ZFYVE28: variants seen among roughly 807,000 people sequenced by gnomAD.
ZFYVE28 encodes the protein lateral signaling target protein 2 homolog.
ZFYVE28 carries 40 observed loss-of-function variants against 82.1 expected under a neutral mutation model. The observed-to-expected ratio is 0.49, with a 90% CI of 0.38 to 0.63. The LOEUF is 0.63. Among genes scored for constraint, ZFYVE28 ranks in the 30% least tolerant of loss-of-function variants. The pLI, the probability that ZFYVE28 is intolerant of heterozygous loss-of-function variation, is 0.00. For missense variants in ZFYVE28, 1,321 were observed against 1,242.1 expected, an observed-to-expected ratio of 1.06 and a Z score of -0.96; for synonymous variants, 612 against 546.1, an observed-to-expected ratio of 1.12 and a Z score of -1.68.
intron 1 of ZFYVE28, among the ~76,000 whole-genome samples, chr4:2,366,295 T>C (rs1034203685): frequency 1.3e-5 from 2 of 152,254 alleles, no homozygotes; most frequent in Non-Finnish European, 2.9e-5. Flanking sequence ...CCAGTGCTCA[T>C]GTTTCATAAG....
chr4:2,338,733 T>C (rs988129904), intron 4 of ZFYVE28, among the ~76,000 whole-genome samples: 1 of 152,258 alleles, frequency 6.6e-6, no homozygotes, highest in African/African-American at 2.4e-5. Context: ...CCTTAATGCA[T>C]TGGTTGATCT....
chr4:2,298,527 C>T (rs1048617846), intron 8 of ZFYVE28, among the ~76,000 whole-genome samples: 1 of 152,174 alleles, frequency 6.6e-6, no homozygotes, highest in Non-Finnish European at 1.5e-5. Flanking sequence ...GGAAGGAAGG[C>T]GCACACAGGC....
intron 8 of ZFYVE28, among the ~76,000 whole-genome samples, chr4:2,296,056 A>C (rs1219910758): frequency 6.6e-6 from 1 of 152,188 alleles, no homozygotes; most frequent in Admixed American, 6.5e-5. Context: ...GGGTGGGGTC[A>C]TGAGGACATG....
intron 2 of ZFYVE28, among the ~76,000 whole-genome samples, chr4:2,352,194 G>C (rs1724570132): frequency 6.6e-6 from 1 of 152,154 alleles, no homozygotes; most frequent in African/African-American, 2.4e-5. Context: ...TGGGCGTAAG[G>C]TGGGCCCTGT....
chr4:2,281,538 C>T (rs1023145214), intron 8 of ZFYVE28, among the ~76,000 whole-genome samples: 2 of 152,150 alleles, frequency 1.3e-5, no homozygotes, highest in Non-Finnish European at 2.9e-5. Flanking sequence ...GGGCCATGCT[C>T]ACCCTTTATA....
chr4:2,384,332 A>AT (rs1163684803), intron 1 of ZFYVE28, among the ~76,000 whole-genome samples: 4 of 152,202 alleles, frequency 2.6e-5, no homozygotes, highest in African/African-American at 9.6e-5. Context: ...TACCCTACAG[A>AT]TTAAGTTATT....
intron 1 of ZFYVE28, among the ~76,000 whole-genome samples, chr4:2,390,721 T>C (rs979251028): frequency 3.3e-5 from 5 of 152,248 alleles, no homozygotes; most frequent in Non-Finnish European, 4.4e-5. Context: ...TCTAGCTGCC[T>C]GAAGTTTACG....
At chr4:2,319,062 C>G (rs1292802979) in intron 7 of ZFYVE28, 1 of 152,884 alleles carries the variant, frequency 6.5e-6, no homozygotes, top group Non-Finnish European at 1.5e-5. Context: ...CCCTTCCAGC[C>G]CCACACCGCC....
intron 1 of ZFYVE28, among the ~76,000 whole-genome samples, chr4:2,410,723 C>T (rs1732438597): frequency 6.6e-6 from 1 of 152,200 alleles, no homozygotes; most frequent in East Asian, 1.9e-4. Context: ...TCTCAATCTC[C>T]TGACCTCGTG....
At chr4:2,404,117 G>A (rs13130155) in intron 1 of ZFYVE28, among the ~76,000 whole-genome samples, 128,881 of 151,808 alleles carry the variant, frequency 0.85, 54,867 homozygotes, top group Admixed American at 0.9. Context: ...TCAGGAGATC[G>A]AGACCATCCT....
At position 2,353,922 on chromosome 4, in the gene ZFYVE28, C is replaced by T; in HGVS notation, c.180+11G>A. 7 of 1,504,032 alleles carry T rather than the reference C, an allele frequency of 4.7e-6. No homozygotes were observed. Among genetic ancestry groups the T allele is most frequent in the Non-Finnish European group, 6.2e-6 (7 of 1,121,326 alleles). 93.2% of individuals were successfully genotyped at this position (1,504,032 alleles called of 1,614,324 possible). A position where few individuals can be genotyped will look rare whatever the true frequency, so the allele number is the denominator to read the frequency against. Reference sequence around the variant, plus strand: ...GCGGGGCCAGCCAGCTTCTGCTGCCCCGTGGCTCACCTGACAGGAGCGGAA... The same window carrying T: ...GCGGGGCCAGCCAGCTTCTGCTGCCTCGTGGCTCACCTGACAGGAGCGGAA... On this transcript the variant is annotated intron_variant, in intron 2 of 12. Coordinates refer to ENST00000290974, the MANE Select transcript of ZFYVE28 (RefSeq NM_020972.3).
chr4:2,303,659 T>C (rs903620350), intron 8 of ZFYVE28, among the ~76,000 whole-genome samples: 20 of 151,936 alleles, frequency 1.3e-4, no homozygotes, highest in African/African-American at 4.8e-5. Flanking sequence ...TGAGAAGAGA[T>C]AGGAGACCTC....
chr4:2,406,189 T>C (rs1731894346), intron 1 of ZFYVE28, among the ~76,000 whole-genome samples: 1 of 151,382 alleles, frequency 6.6e-6, no homozygotes, highest in African/African-American at 2.4e-5. Context: ...CTGGCCAACA[T>C]GATGAAACCC....
At chr4:2,326,904 A>G (rs1008900424) in intron 6 of ZFYVE28, among the ~76,000 whole-genome samples, 1 of 152,042 alleles carries the variant, frequency 6.6e-6, no homozygotes, top group Non-Finnish European at 1.5e-5. Flanking sequence ...TACTATATTC[A>G]TTATTAGTCC....
chr4:2,399,082 G>GGGGC (rs1560338845), intron 1 of ZFYVE28, among the ~76,000 whole-genome samples: 1 of 134,708 alleles, frequency 7.4e-6, no homozygotes, highest in African/African-American at 3.1e-5. Flanking sequence ...GCACAAGCGT[G>GGGGC]AAGGTGAGAT....
chr4:2,358,273 A>T (rs1275406782), intron 1 of ZFYVE28, among the ~76,000 whole-genome samples: 1 of 152,170 alleles, frequency 6.6e-6, no homozygotes, highest in Non-Finnish European at 1.5e-5. Flanking sequence ...ATGTGAATAT[A>T]TGTGCAGGCA....
In ZFYVE28 at chr4:2,300,538, G is replaced by A. The variant is rs1715353558; in HGVS notation, c.2051+3751C>T. On this transcript the variant is annotated intron_variant, in intron 8 of 12. Transcript: ENST00000290974. This position sits in a 1 kb window ranked among gnomAD's most constrained non-coding sequence, Gnocchi z 4.6. The stretch of plus-strand genomic sequence containing the variant: ...GCACCTGAGGAAACGCTCCAGAGAG[G>A]GGCTCCTCCTGGCTGGGACCCTCAC... Among the ~76,000 whole-genome samples, 1 of 152,142 alleles carries A rather than the reference G, an allele frequency of 6.6e-6. No homozygotes were observed. The highest frequency in any genetic ancestry group is 1.5e-5 in the Non-Finnish European group (1 of 68,016).
At chr4:2,271,045 G>GGC in intron 12 of ZFYVE28, 189 bp from the exon 13 acceptor site, 1 of 834,338 alleles carries the variant, frequency 1.2e-6, no homozygotes, top group Non-Finnish European at 1.8e-6. Flanking sequence ...CCTGCACCAA[G>GGC]GCTGCTGCAG....
chr4:2,305,040 G>T lies in ZFYVE28; in HGVS notation c.1300C>A (p.Gln434Lys). The change falls in exon 8 of 13, where the codon CAG (glutamine) becomes AAG (lysine). Residue 434 changes from glutamine (Q) to lysine (K), a missense_variant. Gln to Lys is a moderately conservative substitution (Grantham distance 53). Transcript: ENST00000290974. ...CCTGGCCCACCCTGCCCTTTCTCCTGGGGGTCGGCCCAGGTACTGCCTGCC... is the reference window on the plus strand; with the variant it reads ...CCTGGCCCACCCTGCCCTTTCTCCTTGGGGTCGGCCCAGGTACTGCCTGCC... Reference protein sequence around the residue: ...GWAGSTWADPQEKGQGGPGGA... With the variant: ...GWAGSTWADPKEKGQGGPGGA... 6 of 1,612,610 alleles carry T rather than the reference G, an allele frequency of 3.7e-6. No individual in the cohort carries two copies. Among genetic ancestry groups the T allele is most frequent in the African/African-American group, 1.3e-5 (1 of 75,062 alleles).
Sources: gnomAD v4.1 joint callset for allele counts (sites outside exome capture counted in the v4.1 genomes callset) on GRCh38, gnomAD v4.1.1 for gene constraint, Gnocchi (gnomAD v3.1) non-coding constraint, MANE v1.5 for transcripts, NCBI Gene and HGNC (gene_info 2026-07-23, HGNC 2026-07-21) for gene names.